The following SATL1 variants were observed in gnomAD, a reference collection of about 807,000 sequenced individuals.
SATL1 encodes spermidine/spermine N1-acetyl transferase like 1.
In SATL1, 47 loss-of-function variants were observed where a neutral mutation model predicts 51.8. The ratio of observed to expected loss-of-function variants is 0.91; its 90% CI spans 0.72 to 1.16. The LOEUF is 1.16. SATL1 is among the 50% of genes most tolerant of loss of function. The pLI is 0.00. For synonymous variants in SATL1, 176 were observed against 182.4 expected, an observed-to-expected ratio of 0.97 and a Z score of 0.28; for missense variants, 520 against 526.4, an observed-to-expected ratio of 0.99 and a Z score of 0.12.
intron 2 of SATL1, among the ~76,000 whole-genome samples, chrX:85,205,015 A>C (rs1005502884): frequency 8.9e-6 from 1 of 111,975 alleles, no homozygotes; most frequent in Non-Finnish European, 1.9e-5. Context: ...AGAAGGATGG[A>C]AAATTAAAGG....
chrX:85,194,623 C>CA (rs982016351), intron 2 of SATL1, among the ~76,000 whole-genome samples: 35 of 110,073 alleles, frequency 3.2e-4, no homozygotes, highest in Non-Finnish European at 6.3e-4. Context: ...GGAACCAACC[C>CA]AAATGTCCAT....
At chrX:85,120,476 T>A (rs1057300017) in intron 2 of SATL1, among the ~76,000 whole-genome samples, 4 of 111,389 alleles carry the variant, frequency 3.6e-5, no homozygotes, top group Non-Finnish European at 7.5e-5. Context: ...TTGATGAAAT[T>A]GAGAAATTGG....
chrX:85,150,993 G>A (rs1365026691), intron 2 of SATL1, among the ~76,000 whole-genome samples: 1 of 111,028 alleles, frequency 9.0e-6, no homozygotes, highest in Non-Finnish European at 1.9e-5. Flanking sequence ...AGGAAATAAA[G>A]GGCATTCAAT....
rs1250269427 is a variant in SATL1, at chrX:85,107,718, C to T, written c.1251G>A (p.Trp417Ter). 4 of 1,211,066 alleles carry T rather than the reference C, an allele frequency of 3.3e-6. No individual in the cohort carries two copies. In the East Asian group the frequency reaches 1.2e-4, roughly 36 times the overall value. Residue 417 changes from tryptophan (W) to a stop codon, truncating the protein, a stop_gained, in exon 3 of 8, where the codon TGG (tryptophan) becomes TGA (stop). Transcript: ENST00000644105. LOFTEE classifies it high-confidence loss of function. ...GGACTGGTTGGCTCAGGCCTGTTTGCCATGTGCCTGGTTGGCTCATGCCTA... is the reference window on the plus strand; with the variant it reads ...GGACTGGTTGGCTCAGGCCTGTTTGTCATGTGCCTGGTTGGCTCATGCCTA... ...SQIGMSQPGTWQTGLSQPVPR... is the reference protein window; with the variant it reads ...SQIGMSQPGT
intron 2 of SATL1, among the ~76,000 whole-genome samples, chrX:85,123,028 T>C (rs60998712): frequency 0.079 from 8,784 of 111,508 alleles, 377 homozygotes; most frequent in South Asian, 0.22. Context: ...CTGTGATGCG[T>C]ATATATCACA....
intron 2 of SATL1, among the ~76,000 whole-genome samples, chrX:85,128,576 AT>A (rs1031296236): frequency 9.0e-6 from 1 of 111,495 alleles, no homozygotes; most frequent in African/African-American, 3.3e-5. Flanking sequence ...GATTGCAAAA[AT>A]TTTCTCCCAT....
chrX:85,129,711 C>A (rs1436876709), intron 2 of SATL1, among the ~76,000 whole-genome samples: 2 of 111,480 alleles, frequency 1.8e-5, no homozygotes, highest in African/African-American at 6.5e-5. Flanking sequence ...GAGAGGGCAT[C>A]CCTCTCTTGT....
intron 2 of SATL1, among the ~76,000 whole-genome samples, chrX:85,126,510 G>A (rs1045598838): frequency 2.7e-5 from 3 of 111,195 alleles, no homozygotes; most frequent in Non-Finnish European, 5.7e-5. Context: ...AGACAATCTA[G>A]CACCAGAGTT....
chrX:85,124,620 T>C (rs1278305080), intron 2 of SATL1, among the ~76,000 whole-genome samples: 1 of 111,440 alleles, frequency 9.0e-6, no homozygotes, highest in African/African-American at 3.3e-5. Flanking sequence ...AGACTCCCAC[T>C]GTGTGGAGGG....
intron 2 of SATL1, among the ~76,000 whole-genome samples, chrX:85,167,235 TG>T (rs1225872488): frequency 2.3e-5 from 2 of 86,738 alleles, no homozygotes; most frequent in African/African-American, 8.8e-5. Context: ...TAATGAACTC[TG>T]GGGAATCAGA....
rs1476858405 is a variant in SATL1 at position 85,230,341 on chromosome X, G to T, written c.-434-6015C>A. ...GAGAACATGATAATCTCTTCAAGAA[G>T]AAGTGTTGGGAAAACTAGATATACA... is the stretch of plus-strand genomic sequence containing the variant. On this transcript the variant is annotated intron_variant, in intron 1 of 7. Transcript: ENST00000644105. Among the ~76,000 whole-genome samples the T allele has an allele frequency of 9.8e-5, 11 of 111,897 alleles. No individual in the cohort carries two copies. The Admixed American group carries it at 1.0e-3, about 11-fold the overall frequency.
At chrX:85,181,954 T>TA (rs966698134) in intron 2 of SATL1, among the ~76,000 whole-genome samples, 1 of 111,524 alleles carries the variant, frequency 9.0e-6, no homozygotes, top group African/African-American at 3.3e-5. Flanking sequence ...TTTCTTTAAT[T>TA]AAAAAAATTT....
At chrX:85,199,270 A>G (rs1927642633) in intron 2 of SATL1, among the ~76,000 whole-genome samples, 2 of 111,193 alleles carry the variant, frequency 1.8e-5, no homozygotes, top group Non-Finnish European at 3.8e-5. Context: ...AAATTAGTAA[A>G]CACATATTAA....
chrX:85,164,888 C>T (rs1002507316), intron 2 of SATL1, among the ~76,000 whole-genome samples: 1 of 110,163 alleles, frequency 9.1e-6, no homozygotes, highest in African/African-American at 3.3e-5. Context: ...CCACACCCGA[C>T]TAATTTTGTA....
chrX:85,159,375 G>T (rs1406634775), intron 2 of SATL1, among the ~76,000 whole-genome samples: 1 of 111,740 alleles, frequency 8.9e-6, no homozygotes, highest in Non-Finnish European at 1.9e-5. Context: ...ATTAGTGGCA[G>T]CATTAGATTC....
chrX:85,094,109 T>C lies in SATL1; in HGVS notation c.1876+19A>G. ...ATTTTTAAAGTATTTAAAAGTAATATCATAAATTTTAGTTTTACCTTGGTA... is the reference window on the plus strand; with the variant it reads ...ATTTTTAAAGTATTTAAAAGTAATACCATAAATTTTAGTTTTACCTTGGTA... On this transcript the variant is annotated intron_variant, in intron 6 of 7. Coordinates refer to ENST00000644105, the MANE Select transcript of SATL1 (RefSeq NM_001367857.2). 1.2e-6 allele frequency: 1 copy of C among 847,068 alleles called. No individual in the cohort carries two copies. Among genetic ancestry groups the C allele is most frequent in the East Asian group, 3.1e-5 (1 of 32,114 alleles). The allele number at this position is 847,068 out of a possible 1,213,427, so 69.8% of individuals were successfully genotyped here.
intron 2 of SATL1, among the ~76,000 whole-genome samples, chrX:85,217,085 T>C (rs1425285785): frequency 1.8e-5 from 2 of 112,064 alleles, no homozygotes; most frequent in Non-Finnish European, 3.8e-5. Flanking sequence ...ATTTAAACAA[T>C]GATGAAAAAC....
chrX:85,115,734 G>A (rs1204850700), intron 2 of SATL1, among the ~76,000 whole-genome samples: 2 of 111,971 alleles, frequency 1.8e-5, no homozygotes, highest in East Asian at 2.8e-4. Flanking sequence ...AATAGGCAGC[G>A]TGGGTTCTTT....
intron 2 of SATL1, among the ~76,000 whole-genome samples, chrX:85,144,570 T>A (rs1259779760): frequency 3.6e-5 from 4 of 112,127 alleles, no homozygotes; most frequent in Non-Finnish European, 7.5e-5. Context: ...GCAGTTTCTG[T>A]GCATGTTTAT....
Sources: allele counts gnomAD v4.1 joint callset (sites outside exome capture counted in the v4.1 genomes callset), GRCh38; gene constraint gnomAD v4.1.1; transcripts MANE v1.5; gene names NCBI Gene and HGNC (gene_info 2026-07-23, HGNC 2026-07-21).